Variants in SMC2 observed in about 807,000 individuals in gnomAD.
The protein encoded by SMC2 is structural maintenance of chromosomes 2.
Under a neutral mutation model 142.6 loss-of-function variants are expected in SMC2, and 41 were observed. The observed-to-expected ratio is 0.29, with a 90% CI of 0.22 to 0.37. The LOEUF (loss-of-function observed/expected upper bound fraction) is 0.37, where lower values mean the gene tolerates loss of function less well. Ranked by LOEUF, SMC2 falls within the 10% of genes least tolerant of loss-of-function variation. SMC2 has a pLI of 1.00. For synonymous variants in SMC2, 463 were observed against 457.5 expected (o/e 1.01, Z -0.15); for missense variants, 1,265 against 1,373.7 (o/e 0.92, Z 1.25).
rs749855577 is a variant in SMC2 at position 104,116,303 on chromosome 9, G to GAGTT, written c.1776_1779dup (p.Ala594SerfsTer9). 1.2e-6 allele frequency: 2 copies of GAGTT among 1,605,508 alleles called. No homozygotes were observed. On this transcript the variant is annotated frameshift_variant, in exon 14 of 25. Coordinates refer to ENST00000374793, the MANE Select transcript of SMC2 (RefSeq NM_006444.3). LOFTEE classifies it high-confidence loss of function. ...AGATGTATTGCACCAGAAACTCTGA[G>GAGTT]AGTTGCTCAGAATCTTGTAAGTCTC...
rs1000177297 is a variant in SMC2 at position 104,102,340 on chromosome 9, G to A, written c.871-84G>A. The A allele has an allele frequency of 1.0e-5, 13 of 1,295,190 alleles. No individual in the cohort carries two copies. The African/African-American group carries it at 1.3e-4, about 13-fold the overall frequency. The allele number at this position is 1,295,190 out of a possible 1,614,324, so 80.2% of individuals were successfully genotyped here. ...AGATAATGAAATAACTTATAAAAAA[G>A]TGTTTGATACAGAACTCATACAATA... On this transcript the variant is annotated intron_variant, in intron 8 of 24. Transcript: ENST00000374793.
In SMC2 at chr9:104,107,249, C is replaced by T. The variant is rs966541233; in HGVS notation, c.1021-4332C>T. ...ACAGCGTCGCATGTAGTGCTCTGGC[C>T]TTAAGACACACGGTCTCTACCAGTG... On this transcript the variant is annotated intron_variant, in intron 9 of 24. Transcript: ENST00000374793. Among the ~76,000 whole-genome samples, 5 of 152,268 alleles carry T rather than the reference C, an allele frequency of 3.3e-5. No homozygotes were observed. In the South Asian group the frequency reaches 1.0e-3, roughly 32 times the overall value.
At chr9:104,115,435 C>T (rs1832979187) in intron 13 of SMC2, among the ~76,000 whole-genome samples, 1 of 151,814 alleles carries the variant, frequency 6.6e-6, no homozygotes, top group South Asian at 2.1e-4. Context: ...GTTACCCAGG[C>T]GTAGTGGCGT....
At chr9:104,129,958 A>T in intron 21 of SMC2, 113 bp downstream of exon 21, 2 of 756,850 alleles carry the variant, frequency 2.6e-6, no homozygotes, top group Non-Finnish European at 4.3e-6. Context: ...TGTCCTTGAT[A>T]CTTTTCTTTC....
In SMC2 at chr9:104,100,147, A is replaced by G. The variant is rs140049238; in HGVS notation, c.535A>G (p.Ile179Val). The change falls in exon 6 of 25, where the codon ATA becomes GTA. Residue 179 changes from isoleucine to valine, a missense_variant. Ile to Val is a conservative substitution (Grantham distance 29, BLOSUM62 3). This residue lies in a region of SMC2 where 898 missense variants were observed against 904.2 expected (regional missense o/e 0.99). Transcript: ENST00000374793. ...AACCAGGATGTATGAATACAAAAAA[A>G]TAGCTGCACAGAAAACTATAGAAAA... ...AGTRMYEYKK[I>V]AAQKTIEKKE... The G allele has an allele frequency of 7.1e-4, 1,115 of 1,579,640 alleles. No individual in the cohort carries two copies. The highest frequency in any genetic ancestry group is 8.7e-4 in the Non-Finnish European group (1,016 of 1,171,664).
chr9:104,106,567 A>G (rs1349093179), intron 9 of SMC2, among the ~76,000 whole-genome samples: 1 of 151,702 alleles, frequency 6.6e-6, no homozygotes, highest in Admixed American at 6.6e-5. Flanking sequence ...CTAATTTTGT[A>G]TTTTTAGTAG....
chr9:104,133,975 T>C (rs1835254654), intron 22 of SMC2, among the ~76,000 whole-genome samples: 2 of 152,128 alleles, frequency 1.3e-5, no homozygotes, highest in African/African-American at 2.4e-5. Context: ...AAAATACTTG[T>C]GTTTTTTTGT....
intron 9 of SMC2, among the ~76,000 whole-genome samples, chr9:104,102,882 T>G (rs1276958955): frequency 1.3e-5 from 2 of 152,082 alleles, no homozygotes; most frequent in African/African-American, 2.4e-5. Context: ...TTTGGGATTT[T>G]AAGTTGGATA....
intron 23 of SMC2, chr9:104,136,006 C>T (rs1352964724): frequency 1.0e-5 from 5 of 498,164 alleles, no homozygotes; most frequent in Non-Finnish European, 2.0e-5. Flanking sequence ...AGGGAAGTTT[C>T]TCCTGACCTT....
chr9:104,091,015 A>G (rs1829975405), upstream of SMC2, among the ~76,000 whole-genome samples: 1 of 152,242 alleles, frequency 6.6e-6, no homozygotes, highest in South Asian at 2.1e-4. Context: ...CACTGGGTGA[A>G]TGAATATAAT....
intron 1 of SMC2, 58 bp downstream of exon 1, chr9:104,094,535 CGGGA>C (rs1481088802): frequency 1.7e-5 from 4 of 229,454 alleles, no homozygotes; most frequent in Non-Finnish European, 3.0e-5. Flanking sequence ...TGGCGGGAGG[CGGGA>C]GGCGGGAGGC....
chr9:104,135,807 T>A (rs938848853), intron 23 of SMC2: 1 of 518,300 alleles, frequency 1.9e-6, no homozygotes, highest in East Asian at 5.5e-5. Flanking sequence ...ATATGTCAAC[T>A]TAGAATTGTA....
intron 11 of SMC2, 100 bp from the exon 12 acceptor site, chr9:104,113,864 T>A (rs1832771126): frequency 1.4e-6 from 1 of 704,790 alleles, no homozygotes; most frequent in Non-Finnish European, 2.3e-6. Context: ...AAATTTGTAT[T>A]TTTTGCATGC....
In SMC2 at chr9:104,111,741, C is replaced by T; in HGVS notation, c.1181C>T (p.Ala394Val). The change falls in exon 10 of 25, where the codon GCA becomes GTA. Residue 394 changes from alanine (A) to valine (V), a missense_variant. By Grantham distance (64) the Ala-to-Val change is moderately conservative. Around this residue, in one of 4 missense-constraint regions of SMC2, gnomAD observed 898 missense variants for 904.2 expected, o/e 0.99. Coordinates refer to ENST00000374793, the MANE Select transcript of SMC2 (RefSeq NM_006444.3). ...SAGLSSNEDG[A>V]EATLAGQMMA... is the part of the protein sequence containing the mutation. Reference sequence around the variant, plus strand: ...GGCCTGTCCAGTAATGAAGATGGAGCAGAAGCAACTCTTGCTGGTCAAATG... The same window carrying T: ...GGCCTGTCCAGTAATGAAGATGGAGTAGAAGCAACTCTTGCTGGTCAAATG... 2 of 1,614,052 alleles carry T rather than the reference C, an allele frequency of 1.2e-6. No individual in the cohort carries two copies. Among genetic ancestry groups the T allele is most frequent in the Non-Finnish European group, 1.7e-6 (2 of 1,179,938 alleles).
chr9:104,103,877 T>G (rs1831452876), intron 9 of SMC2, among the ~76,000 whole-genome samples: 1 of 152,200 alleles, frequency 6.6e-6, no homozygotes, highest in Non-Finnish European at 1.5e-5. Context: ...TGTAGCAGTC[T>G]GTGTTGTGGC....
rs943529412 is a variant in SMC2, at chr9:104,140,826, C to T, written c.*1511C>T. ...ACCATAGTATACAAATTAGTCAGTACTTGCTGTTAATTTTAATATTTCTGA... is the reference window on the plus strand; with the variant it reads ...ACCATAGTATACAAATTAGTCAGTATTTGCTGTTAATTTTAATATTTCTGA... On this transcript the variant is annotated 3_prime_UTR_variant, in exon 25 of 25. Coordinates refer to ENST00000374793, the MANE Select transcript of SMC2 (RefSeq NM_006444.3). 2.6e-5 allele frequency: 4 copies of T among 152,284 alleles called. No individual in the cohort carries two copies. The highest frequency in any genetic ancestry group is 5.9e-5 in the Non-Finnish European group (4 of 68,034). The allele number at this position is 152,284 out of a possible 1,614,324, so 9.4% of individuals were successfully genotyped here.
chr9:104,115,855 C>T (rs1402972518), intron 13 of SMC2, among the ~76,000 whole-genome samples: 1 of 152,098 alleles, frequency 6.6e-6, no homozygotes, highest in Non-Finnish European at 1.5e-5. Context: ...CTACTTCTAC[C>T]CATTTTCTTT....
intron 24 of SMC2, among the ~76,000 whole-genome samples, 195 bp from the exon 25 acceptor site, chr9:104,138,944 T>C (rs1405469205): frequency 1.3e-5 from 2 of 151,992 alleles, no homozygotes; most frequent in African/African-American, 4.8e-5. Context: ...AATAGTAAAA[T>C]TGGGTAATGA....
At chr9:104,098,376 ATATACT>A (rs1830703675) in intron 3 of SMC2, 64 bp from the exon 4 acceptor site, 2 of 1,283,192 alleles carry the variant, frequency 1.6e-6, no homozygotes, top group African/African-American at 3.1e-5. Context: ...ACGTAAGCTA[ATATACT>A]TAGTTTATCC....
Sources: gnomAD v4.1 joint callset for allele counts (sites outside exome capture counted in the v4.1 genomes callset) on GRCh38, gnomAD v4.1.1 for gene constraint, gnomAD v4.1.1 regional missense constraint, MANE v1.5 for transcripts, NCBI Gene and HGNC (gene_info 2026-07-23, HGNC 2026-07-21) for gene names.